The following RB1 variants were observed in gnomAD, a reference collection of about 807,000 sequenced individuals.
RB1 encodes the protein RB transcriptional corepressor 1.
In RB1, 18 loss-of-function variants were observed where a neutral mutation model predicts 135.4. That is an observed-to-expected ratio of 0.13 (90% CI 0.09 to 0.20). The LOEUF (loss-of-function observed/expected upper bound fraction) is 0.20, where lower values mean the gene tolerates loss of function less well. Ranked by LOEUF, RB1 falls within the 10% of genes least tolerant of loss-of-function variation. The probability of loss-of-function intolerance (pLI) is 1.00; values close to 1 mark genes in which losing one functional copy is unlikely to be tolerated. For synonymous variants in RB1, 365 were observed against 373.2 expected (o/e 0.98, Z 0.25); for missense variants, 868 against 1,110.0 (o/e 0.78, Z 3.10).
intron 17 of RB1, among the ~76,000 whole-genome samples, chr13:48,386,144 A>G (rs928940494): frequency 6.6e-6 from 1 of 152,138 alleles, no homozygotes. Context: ...TGTCTCAAAA[A>G]AATAAAAAAT....
intron 6 of RB1, among the ~76,000 whole-genome samples, chr13:48,359,070 A>C (rs1952616215): frequency 6.6e-6 from 1 of 152,158 alleles, no homozygotes. Flanking sequence ...TTTAGCAGTC[A>C]GATACTCAGA....
intron 11 of RB1, among the ~76,000 whole-genome samples, chr13:48,370,475 G>A (rs188336895): frequency 6.6e-6 from 1 of 152,296 alleles, no homozygotes; most frequent in Non-Finnish European, 1.5e-5. Flanking sequence ...CTGACCAAAG[G>A]GCTTCAAGTT....
intron 11 of RB1, among the ~76,000 whole-genome samples, chr13:48,371,077 T>G (rs1462452254): frequency 5.3e-5 from 8 of 152,168 alleles, no homozygotes; most frequent in Non-Finnish European, 1.5e-5. Context: ...TGATTGACTA[T>G]AAAATGAGAG....
chr13:48,304,179 C>A, intron 1 of RB1, 130 bp downstream of exon 1: 1 of 1,030,092 alleles, frequency 9.7e-7, no homozygotes, highest in Non-Finnish European at 1.3e-6. Context: ...GAGGCGCCCT[C>A]CCTGCCCCCC....
intron 2 of RB1, among the ~76,000 whole-genome samples, chr13:48,324,511 T>C (rs1789867089): frequency 6.6e-6 from 1 of 152,100 alleles, no homozygotes; most frequent in South Asian, 2.1e-4. Flanking sequence ...TCACTTAACA[T>C]GATGTTCTCT....
chr13:48,398,290 A>G (rs1204038893), intron 17 of RB1, among the ~76,000 whole-genome samples: 1 of 152,144 alleles, frequency 6.6e-6, no homozygotes, highest in Non-Finnish European at 1.5e-5. Flanking sequence ...CTCTGACCCA[A>G]TATATTCCTA....
chr13:48,444,723 T>C (rs2138315928), intron 17 of RB1: 1 of 152,252 alleles, frequency 6.6e-6, no homozygotes, highest in Non-Finnish European at 1.5e-5. Flanking sequence ...GATGTCAGCA[T>C]TGGGATTTTT....
chr13:48,308,774 ATGAAGACAC>A (rs1315595927), intron 2 of RB1, among the ~76,000 whole-genome samples: 1 of 152,206 alleles, frequency 6.6e-6, no homozygotes, highest in African/African-American at 2.4e-5. Context: ...CATTTAACAG[ATGAAGACAC>A]TGAGTAGAGT....
At chr13:48,314,403 T>C (rs1952161511) in intron 2 of RB1, among the ~76,000 whole-genome samples, 1 of 152,272 alleles carries the variant, frequency 6.6e-6, no homozygotes, top group South Asian at 2.1e-4. Context: ...TCTTACTAAA[T>C]ATTTATTCTT....
chr13:48,418,840 A>C (rs1322884383), intron 17 of RB1, among the ~76,000 whole-genome samples: 1 of 152,198 alleles, frequency 6.6e-6, no homozygotes, highest in Non-Finnish European at 1.5e-5. Flanking sequence ...AGAGCTAACT[A>C]TCCTAAGTAT....
At chr13:48,304,249 C>G (rs896044482) in intron 1 of RB1, among the ~76,000 whole-genome samples, 200 bp downstream of exon 1, 1 of 151,806 alleles carries the variant, frequency 6.6e-6, no homozygotes, top group Admixed American at 6.5e-5. Flanking sequence ...CGAGGGGTCT[C>G]GGCTTCAACT....
Position 48,360,043 on chromosome 13 carries a change from C to T in RB1, c.634C>T (p.Leu212=), listed in dbSNP as rs147085238. The part of the protein sequence containing the change: ...KGEVLQMEDD[L]VISFQLMLCV... ...GGAAGTATTACAAATGGAAGATGAT[C>T]TGGTGATTTCATTTCAGTTAATGCT... Residue 212 remains leucine, a synonymous_variant, in exon 7 of 27, where the codon CTG becomes TTG. Coordinates refer to ENST00000267163, the MANE Select transcript of RB1 (RefSeq NM_000321.3). The T allele has an allele frequency of 1.2e-6, 2 of 1,612,110 alleles. No individual in the cohort carries two copies. Among genetic ancestry groups the T allele is most frequent in the Non-Finnish European group, 1.7e-6 (2 of 1,179,086 alleles).
chr13:48,442,175 T>C (rs537609692), intron 17 of RB1, among the ~76,000 whole-genome samples: 205 of 152,216 alleles, frequency 1.3e-3, no homozygotes, highest in African/African-American at 4.7e-3. Flanking sequence ...GTTCCTTTTA[T>C]AGTATTAATT....
At chr13:48,425,234 T>C (rs1431787710) in intron 17 of RB1, among the ~76,000 whole-genome samples, 1 of 152,216 alleles carries the variant, frequency 6.6e-6, no homozygotes, top group Non-Finnish European at 1.5e-5. Flanking sequence ...TTTCAGGTCT[T>C]GAAGGCTAGA....
At chr13:48,429,939 G>C (rs932221726) in intron 17 of RB1, among the ~76,000 whole-genome samples, 5 of 152,142 alleles carry the variant, frequency 3.3e-5, no homozygotes, top group African/African-American at 1.2e-4. Context: ...ACATGTGCCA[G>C]GCAGTTTTTC....
chr13:48,347,721 T>G, intron 4 of RB1, 104 bp from the exon 5 acceptor site: 1 of 795,870 alleles, frequency 1.3e-6, no homozygotes. Context: ...TTTTTGTTTT[T>G]AAAATATATA....
chr13:48,426,915 T>A (rs1041599603), intron 17 of RB1: 3 of 152,352 alleles, frequency 2.0e-5, no homozygotes, highest in Non-Finnish European at 4.4e-5. Context: ...TTCTGGTGAG[T>A]CCTGAGGAAG....
At chr13:48,347,943 G>C (rs1952513025) in intron 5 of RB1, 80 bp downstream of exon 5, 6 of 1,136,134 alleles carry the variant, frequency 5.3e-6, no homozygotes, top group Non-Finnish European at 7.9e-6. Context: ...TGATAGTTAG[G>C]GTTAGTTTGA....
chr13:48,443,942 TACC>T (rs542684109), intron 17 of RB1, among the ~76,000 whole-genome samples: 3 of 152,216 alleles, frequency 2.0e-5, no homozygotes, highest in Admixed American at 6.5e-5. Flanking sequence ...TCTGCTCTCA[TACC>T]ACCACAACAG....
Sources: allele counts gnomAD v4.1 joint callset (sites outside exome capture counted in the v4.1 genomes callset), GRCh38; gene constraint gnomAD v4.1.1; transcripts MANE v1.5; gene names NCBI Gene and HGNC (gene_info 2026-07-23, HGNC 2026-07-21).